The following MGAT4C variants were observed in gnomAD, a reference collection of about 807,000 sequenced individuals.
The protein encoded by MGAT4C is alpha-1,3-mannosyl-glycoprotein 4-beta-N-acetylglucosaminyltransferase C.
A neutral mutation model predicts 40.1 loss-of-function variants in MGAT4C; 19 were observed. The ratio of observed to expected loss-of-function variants is 0.47; its 90% CI spans 0.33 to 0.70. The LOEUF (loss-of-function observed/expected upper bound fraction) is 0.70, where lower values mean the gene tolerates loss of function less well. Among genes scored for constraint, MGAT4C ranks in the 30% least tolerant of loss-of-function variants. The pLI, the probability that MGAT4C is intolerant of heterozygous loss-of-function variation, is 0.02. For synonymous variants in MGAT4C, 181 were observed against 187.1 expected (o/e 0.97, Z 0.27); for missense variants, 491 against 563.2 (o/e 0.87, Z 1.30).
chr12:86,372,790 T>G (rs1035571518), intron 3 of MGAT4C, among the ~76,000 whole-genome samples: 6 of 151,836 alleles, frequency 4.0e-5, no homozygotes, highest in African/African-American at 9.7e-5. Flanking sequence ...GCTTTTTCAT[T>G]TGTTCTGTGT....
chr12:86,716,635 CA>C (rs1324789624), intron 2 of MGAT4C, among the ~76,000 whole-genome samples: 3 of 151,990 alleles, frequency 2.0e-5, no homozygotes, highest in Non-Finnish European at 2.9e-5. Context: ...TTGCACTATA[CA>C]AAATTTGTAG....
intron 2 of MGAT4C, among the ~76,000 whole-genome samples, chr12:86,599,893 C>T (rs774148659): frequency 6.6e-6 from 1 of 152,064 alleles, no homozygotes; most frequent in Non-Finnish European, 1.5e-5. Context: ...GACTCAGGTA[C>T]CTCCATGAAG....
At chr12:86,642,383 G>A (rs923965794) in intron 2 of MGAT4C, among the ~76,000 whole-genome samples, 1 of 151,780 alleles carries the variant, frequency 6.6e-6, no homozygotes, top group Non-Finnish European at 1.5e-5. Flanking sequence ...GAGAGGGTTA[G>A]AACAAGTTAT....
At chr12:86,077,257 C>G (rs1337629623) in intron 1 of MGAT4C, among the ~76,000 whole-genome samples, 1 of 152,074 alleles carries the variant, frequency 6.6e-6, no homozygotes, top group Non-Finnish European at 1.5e-5. Flanking sequence ...ACATAATCTT[C>G]AAATAAAGAA....
chr12:86,401,029 T>C (rs1319060041), intron 3 of MGAT4C, among the ~76,000 whole-genome samples: 1 of 152,076 alleles, frequency 6.6e-6, no homozygotes, highest in Non-Finnish European at 1.5e-5. Flanking sequence ...TAAAGAAAAA[T>C]TGAATACCCC....
rs189400869 is a variant in MGAT4C, at chr12:86,443,258, G to T, written c.-228-7993C>A. ...TGTAAATTTCTGTTGACACAATACC[G>T]TAATTATAGTTTCATGTTATTACAC... On this transcript the variant is annotated intron_variant, in intron 2 of 7. Transcript: ENST00000548651. Among the ~76,000 whole-genome samples the T allele has an allele frequency of 2.0e-5, 3 of 151,720 alleles. No homozygotes were observed. In the South Asian group the frequency reaches 6.3e-4, roughly 32 times the overall value.
At chr12:86,075,415 C>G (rs529831181) in intron 1 of MGAT4C, among the ~76,000 whole-genome samples, 1 of 152,120 alleles carries the variant, frequency 6.6e-6, no homozygotes, top group Admixed American at 6.5e-5. Context: ...AGCTGCTTTC[C>G]CAGGCTGGCA....
chr12:86,811,412 G>A (rs55813345), intron 1 of MGAT4C, among the ~76,000 whole-genome samples: 2 of 143,914 alleles, frequency 1.4e-5, no homozygotes, highest in African/African-American at 5.1e-5. Context: ...GCACGATCTC[G>A]GCTCACTTCA....
chr12:86,203,014 C>CTGTGTG (rs10587166), intron 1 of MGAT4C, among the ~76,000 whole-genome samples: 3,640 of 147,398 alleles, frequency 0.025, 48 homozygotes, highest in Middle Eastern at 0.028. Flanking sequence ...TCACATTTTC[C>CTGTGTG]TGTGTGTGTG....
chr12:86,166,730 C>T (rs188750133), intron 1 of MGAT4C, among the ~76,000 whole-genome samples: 22 of 152,180 alleles, frequency 1.4e-4, no homozygotes, highest in East Asian at 1.2e-3. Flanking sequence ...TGTAACAATA[C>T]GTGAAAATCT....
intron 1 of MGAT4C, among the ~76,000 whole-genome samples, chr12:86,068,894 C>G (rs188381044): frequency 1.3e-5 from 2 of 152,136 alleles, no homozygotes. Flanking sequence ...AAGGGTGTGG[C>G]CTTGCACTCT....
chr12:86,758,680 A>G (rs1232542464), intron 1 of MGAT4C, among the ~76,000 whole-genome samples: 1 of 152,086 alleles, frequency 6.6e-6, no homozygotes, highest in African/African-American at 2.4e-5. Context: ...ATAGTGAGTC[A>G]TGAACAAAAA....
rs201296343 is a variant in MGAT4C, at chr12:86,554,038, C to CT, written c.-228-118774dup. On this transcript the variant is annotated intron_variant, in intron 2 of 7. Coordinates refer to the MGAT4C transcript ENST00000548651. Reference sequence around the variant, plus strand: ...TCAGAGACCTTATGTTTGTTTCTTCCTTTTTTTTCATAGTTTTCAACCTCT... The same window carrying CT: ...TCAGAGACCTTATGTTTGTTTCTTCCTTTTTTTTTCATAGTTTTCAACCTCT... Among the ~76,000 whole-genome samples, 1,294 of 151,768 alleles carry CT rather than the reference C, an allele frequency of 8.5e-3. 7 individuals are homozygous for CT. The highest frequency in any genetic ancestry group is 0.014 in the Non-Finnish European group (954 of 67,880).
chr12:86,549,162 C>T (rs1959232806), intron 2 of MGAT4C, among the ~76,000 whole-genome samples: 2 of 152,054 alleles, frequency 1.3e-5, no homozygotes, highest in Admixed American at 1.3e-4. Flanking sequence ...GATGATCTTA[C>T]AAAGGTATCC....
intron 1 of MGAT4C, among the ~76,000 whole-genome samples, chr12:86,160,515 T>C (rs1885476922): frequency 6.6e-6 from 1 of 152,050 alleles, no homozygotes; most frequent in Non-Finnish European, 1.5e-5. Context: ...TCTTAGAATA[T>C]GTTCTGTGTG....
intron 1 of MGAT4C, among the ~76,000 whole-genome samples, chr12:86,736,041 T>C (rs1365185506): frequency 6.6e-6 from 1 of 151,836 alleles, no homozygotes; most frequent in Non-Finnish European, 1.5e-5. Context: ...TCATCAAAAG[T>C]CCCCTTCCTT....
intron 1 of MGAT4C, among the ~76,000 whole-genome samples, chr12:86,207,589 C>A (rs1950307546): frequency 6.7e-6 from 1 of 148,810 alleles, no homozygotes; most frequent in South Asian, 2.1e-4. Flanking sequence ...GGAAAAAAAA[C>A]AGCATGAACA....
chr12:86,456,451 G>A (rs1193536046), intron 2 of MGAT4C, among the ~76,000 whole-genome samples: 1 of 152,102 alleles, frequency 6.6e-6, no homozygotes, highest in Non-Finnish European at 1.5e-5. Context: ...TTGTAAACAT[G>A]ATCATATTAC....
intron 1 of MGAT4C, among the ~76,000 whole-genome samples, chr12:86,085,782 T>C (rs567998932): frequency 6.6e-6 from 1 of 151,990 alleles, no homozygotes; most frequent in African/African-American, 2.4e-5. Context: ...AACACATATA[T>C]AAGAAAAAGC....
Sources: allele counts gnomAD v4.1 joint callset (sites outside exome capture counted in the v4.1 genomes callset), GRCh38; gene constraint gnomAD v4.1.1; transcripts MANE v1.5; gene names NCBI Gene and HGNC (gene_info 2026-07-23, HGNC 2026-07-21).